Variants in CCDC88C observed in about 807,000 individuals in gnomAD.
CCDC88C encodes the protein coiled-coil and HOOK domain protein 88C.
CCDC88C carries 131 observed loss-of-function variants against 198.8 expected under a neutral mutation model. The observed-to-expected ratio is 0.66, with a 90% CI of 0.57 to 0.76. The LOEUF is 0.76. Among genes scored for constraint, CCDC88C ranks in the 30% least tolerant of loss-of-function variants. CCDC88C has a pLI of 0.00. For synonymous variants in CCDC88C, 1,166 were observed against 1,114.7 expected (o/e 1.05, Z -0.92); for missense variants, 2,553 against 2,631.6 (o/e 0.97, Z 0.65).
Position 91,273,971 on chromosome 14 carries a change from G to A in CCDC88C, c.5059-318C>T, listed in dbSNP as rs536936509. Reference sequence around the variant, plus strand: ...AGTGAGTAAGTTTCCCAGAAACCTCGACTATAGCCGACTGCTTCGGTCTGT... The same window carrying A: ...AGTGAGTAAGTTTCCCAGAAACCTCAACTATAGCCGACTGCTTCGGTCTGT... On this transcript the variant is annotated intron_variant, in intron 29 of 29. Transcript: ENST00000389857. This position sits in a 1 kb window ranked among gnomAD's most constrained non-coding sequence, Gnocchi z 5.6. 2.6e-5 allele frequency among the ~76,000 whole-genome samples: 4 copies of A among 152,196 alleles called. No homozygotes were observed. The highest frequency in any genetic ancestry group is 6.5e-5 in the Admixed American group (1 of 15,296).
Position 91,408,709 on chromosome 14 carries a change from G to A in CCDC88C, c.220C>T (p.Arg74Cys), listed in dbSNP as rs1472117058. Residue 74 changes from arginine to cysteine, a missense_variant, in exon 3 of 30, where the codon CGC (arginine) becomes TGC (cysteine). Arg to Cys is a radical substitution (Grantham distance 180). This residue lies in a region of CCDC88C where 1,260 missense variants were observed against 1,412.0 expected (regional missense o/e 0.89). Coordinates refer to ENST00000389857, the MANE Select transcript of CCDC88C (RefSeq NM_001080414.4). ...ACCAAGATGGTCAAATTCTGAATGC[G>A]AAGGTTCACATCATTGTTGACGTGC... is the stretch of plus-strand genomic sequence containing the variant. ...NKHVNNDVNL[R>C]IQNLTILVRN... The A allele has an allele frequency of 4.3e-6, 7 of 1,613,734 alleles. No individual in the cohort carries two copies. The highest frequency in any genetic ancestry group is 1.3e-5 in the African/African-American group (1 of 74,916).
chr14:91,385,574 G>C (rs1177265659), intron 3 of CCDC88C, among the ~76,000 whole-genome samples: 1 of 152,204 alleles, frequency 6.6e-6, no homozygotes. Flanking sequence ...GTCACAAGGT[G>C]GGCGGCAAGG....
At chr14:91,347,519 T>C (rs536484813) in intron 4 of CCDC88C, among the ~76,000 whole-genome samples, 50 of 152,026 alleles carry the variant, frequency 3.3e-4, no homozygotes, top group Middle Eastern at 3.4e-3. Context: ...AAAAAGTGGG[T>C]GAAGGACATG....
In CCDC88C at chr14:91,272,994, G is replaced by A. The variant is rs756166689; in HGVS notation, c.5718C>T (p.Pro1906=). 112 of 1,552,726 alleles carry A rather than the reference G, an allele frequency of 7.2e-5. No individual in the cohort carries two copies. Among genetic ancestry groups the A allele is most frequent in the Middle Eastern group, 3.3e-4 (2 of 6,008 alleles). The change falls in exon 30 of 30, where the codon CCC becomes CCT. Residue 1906 remains proline, a synonymous_variant. Coordinates refer to ENST00000389857, the MANE Select transcript of CCDC88C (RefSeq NM_001080414.4). ...LAPLHQSATA[P]AIATAGAGAA... ...CACCAGCACCTGCAGTGGCAATGGC[G>A]GGGGCTGTGGCAGACTGATGCAGGG...
chr14:91,275,967 G>A (rs567995445), intron 29 of CCDC88C, among the ~76,000 whole-genome samples: 38 of 151,576 alleles, frequency 2.5e-4, no homozygotes, highest in Non-Finnish European at 5.0e-4. Context: ...GACTACAGGC[G>A]CGCGCCACCA....
At chr14:91,359,749 C>T (rs1250508256) in intron 3 of CCDC88C, 38 bp from the exon 4 acceptor site, 12 of 1,560,218 alleles carry the variant, frequency 7.7e-6, no homozygotes, top group South Asian at 2.3e-5. Context: ...CATTAAGAAC[C>T]GGAAACAAAA....
In CCDC88C at chr14:91,339,293, C is replaced by T. The variant is rs537787720; in HGVS notation, c.794G>A (p.Arg265His). The change falls in exon 8 of 30, where the codon CGC becomes CAC. Residue 265 changes from arginine (R) to histidine (H), a missense_variant. By Grantham distance (29) the Arg-to-His change is conservative. Transcript: ENST00000389857. The surrounding 1 kb of genome is among the most constrained non-coding windows in gnomAD (Gnocchi z 5.8). ...GGGGACTCACAGCTCCTGCCTGACGCGCCGCAGCCTGGCCTTGGTGTCGGC... is the reference window on the plus strand; with the variant it reads ...GGGGACTCACAGCTCCTGCCTGACGTGCCGCAGCCTGGCCTTGGTGTCGGC... ...ELADTKARLR[R>H]VRQELEDKTE... 48 of 1,612,786 alleles carry T rather than the reference C, an allele frequency of 3.0e-5. No homozygotes were observed. The highest frequency in any genetic ancestry group is 2.7e-4 in the African/African-American group (20 of 75,032).
chr14:91,320,980 G>T, intron 13 of CCDC88C, 140 bp downstream of exon 13: 1 of 754,442 alleles, frequency 1.3e-6, no homozygotes, highest in Non-Finnish European at 2.1e-6. Flanking sequence ...CGGTGACTGC[G>T]CCTGGATTCT....
intron 20 of CCDC88C, among the ~76,000 whole-genome samples, chr14:91,303,380 A>C (rs2139780117): frequency 3.1e-5 from 4 of 129,668 alleles, no homozygotes; most frequent in African/African-American, 9.0e-5. Context: ...TCCAGGCTCC[A>C]CCCATCTCCC....
intron 2 of CCDC88C, among the ~76,000 whole-genome samples, chr14:91,409,490 CTTTT>C (rs66484836): frequency 3.6e-5 from 5 of 140,370 alleles, no homozygotes; most frequent in Admixed American, 1.4e-4. Context: ...CGGTACATTT[CTTTT>C]TTTTTTTTTT....
In CCDC88C at chr14:91,311,105, G is replaced by A. The variant is rs944968519; in HGVS notation, c.2737-1119C>T. ...CCTGGTGTAGAGACCGTGGAGCCAC[G>A]AGATCAAAACAGCCTGGACTGCTGG... On this transcript the variant is annotated intron_variant, in intron 15 of 29. Coordinates refer to ENST00000389857, the MANE Select transcript of CCDC88C (RefSeq NM_001080414.4). Among the ~76,000 whole-genome samples the A allele has an allele frequency of 5.4e-4, 82 of 152,108 alleles. 1 individual carries two copies. The highest frequency in any genetic ancestry group is 1.9e-3 in the African/African-American group (80 of 41,410).
rs1163328325 is a variant in CCDC88C, at chr14:91,339,855, C to G, written c.624+29G>C. 1 of 1,561,066 alleles carries G rather than the reference C, an allele frequency of 6.4e-7. No homozygotes were observed. Among genetic ancestry groups the G allele is most frequent in the South Asian group, 1.2e-5 (1 of 84,862 alleles). On this transcript the variant is annotated intron_variant, in intron 7 of 29. Coordinates refer to ENST00000389857, the MANE Select transcript of CCDC88C (RefSeq NM_001080414.4). This position sits in a 1 kb window ranked among gnomAD's most constrained non-coding sequence, Gnocchi z 5.8. ...GAAGGGGCCTAAGCCCCTTCCCAGG[C>G]TGACCGGGCCACCGACCCGCGGACG...
At chr14:91,291,389 C>T (rs1489427456) in intron 23 of CCDC88C, among the ~76,000 whole-genome samples, 1 of 152,208 alleles carries the variant, frequency 6.6e-6, no homozygotes, top group Non-Finnish European at 1.5e-5. Flanking sequence ...CAAGGATTCT[C>T]CTTCCAGGTT....
At chr14:91,382,166 G>A (rs749998884) in intron 3 of CCDC88C, among the ~76,000 whole-genome samples, 2 of 152,150 alleles carry the variant, frequency 1.3e-5, no homozygotes, top group Non-Finnish European at 2.9e-5. Context: ...CACTGTGTAT[G>A]GAGCGCTACT....
intron 20 of CCDC88C, among the ~76,000 whole-genome samples, chr14:91,301,663 G>A (rs1891293642): frequency 6.6e-6 from 1 of 152,224 alleles, no homozygotes; most frequent in South Asian, 2.1e-4. Context: ...GCTGCTGTGA[G>A]CCAAGATCGC....
Position 91,282,704 on chromosome 14 carries a change from C to G in CCDC88C, c.4630+625G>C, listed in dbSNP as rs77797137. Among the ~76,000 whole-genome samples, 45 of 152,250 alleles carry G rather than the reference C, an allele frequency of 3.0e-4. No individual in the cohort carries two copies. In the East Asian group the frequency reaches 8.3e-3, roughly 28 times the overall value. On this transcript the variant is annotated intron_variant, in intron 26 of 29. Transcript: ENST00000389857. ...GGAGTTCCTAAATCCTTCACTGAAC[C>G]CATTTGTTTTCAATACAGGACACCT...
chr14:91,377,193 C>T (rs896556034), intron 3 of CCDC88C, among the ~76,000 whole-genome samples: 3 of 152,242 alleles, frequency 2.0e-5, no homozygotes, highest in Admixed American at 6.5e-5. Context: ...CCACTGAGGG[C>T]TGGCAGCATC....
At chr14:91,282,002 G>A (rs931797806) in intron 26 of CCDC88C, among the ~76,000 whole-genome samples, 11 of 152,194 alleles carry the variant, frequency 7.2e-5, no homozygotes, top group African/African-American at 2.7e-4. Flanking sequence ...TGCACTAACA[G>A]CTCCTGACCA....
intron 19 of CCDC88C, among the ~76,000 whole-genome samples, chr14:91,305,383 A>G (rs1891515017): frequency 6.6e-6 from 1 of 152,206 alleles, no homozygotes; most frequent in African/African-American, 2.4e-5. Context: ...TTAAAAAGAA[A>G]GAGTTCTGCC....
Sources: allele counts gnomAD v4.1 joint callset (sites outside exome capture counted in the v4.1 genomes callset), GRCh38; gene constraint gnomAD v4.1.1; regional missense constraint gnomAD v4.1.1; non-coding constraint Gnocchi (gnomAD v3.1); transcripts MANE v1.5; gene names NCBI Gene and HGNC (gene_info 2026-07-23, HGNC 2026-07-21).